Variants in PEAK1 observed in about 807,000 individuals in gnomAD.
PEAK1 encodes the protein inactive tyrosine-protein kinase PEAK1.
In PEAK1, 54 loss-of-function variants were observed where a neutral mutation model predicts 124.7. The observed-to-expected ratio is 0.43, with a 90% confidence interval of 0.35 to 0.54. The LOEUF is 0.54. Ranked by LOEUF, PEAK1 falls within the 20% of genes least tolerant of loss-of-function variation. The pLI is 0.01. For missense variants in PEAK1, 2,046 were observed against 2,134.5 expected (o/e 0.96, Z 0.82); for synonymous variants, 719 against 760.0 (o/e 0.95, Z 0.89).
chr15:77,369,686 AAATGGATGAAACAGGTCTT>A (rs1567317158), intron 1 of PEAK1, among the ~76,000 whole-genome samples: 1 of 152,222 alleles, frequency 6.6e-6, no homozygotes, highest in Non-Finnish European at 1.5e-5. Context: ...AATAATTCAT[AAATGGATGAAACAGGTCTT>A]AGTGGTGGCT....
chr15:77,108,944 G>A lies in PEAK1; in HGVS notation c.*5212C>T, dbSNP rs1370892419. The A allele has an allele frequency of 1.3e-5, 2 of 152,140 alleles. No homozygotes were observed. The highest frequency in any genetic ancestry group is 2.9e-5 in the Non-Finnish European group (2 of 68,044). The allele number at this position is 152,140 out of a possible 1,614,324, so 9.4% of individuals were successfully genotyped here. A position where few individuals can be genotyped will look rare whatever the true frequency, so the allele number is the denominator to read the frequency against. On this transcript the variant is annotated 3_prime_UTR_variant, in exon 10 of 10. Coordinates refer to ENST00000682557, the MANE Select transcript of PEAK1 (RefSeq NM_001385026.1). ...CTTGCAGCCCACCTAGGTGGGGAAA[G>A]CTTCTAGCAGTGGTTGATGCAAAAA...
chr15:77,127,549 G>A (rs532738896), intron 9 of PEAK1, among the ~76,000 whole-genome samples: 7 of 152,192 alleles, frequency 4.6e-5, no homozygotes, highest in Non-Finnish European at 8.8e-5. Flanking sequence ...TTGGAAACTG[G>A]AGGAAAGGGA....
chr15:77,176,616 T>C (rs1388430425), intron 7 of PEAK1, among the ~76,000 whole-genome samples: 2 of 152,208 alleles, frequency 1.3e-5, no homozygotes, highest in African/African-American at 2.4e-5. Flanking sequence ...TTTGGATTCA[T>C]GGATGTTAAC....
rs114418563 is a variant in PEAK1 at position 77,298,518 on chromosome 15, G to C, written c.-602-12014C>G. Among the ~76,000 whole-genome samples, 1,304 of 151,718 alleles carry C rather than the reference G, an allele frequency of 8.6e-3. 21 individuals carry two copies. The highest frequency in any genetic ancestry group is 0.03 in the African/African-American group (1,245 of 41,384). ...CAGGCGTGAGCCACCACGCCCGGCC[G>C]GTATCCTTAATTTCAACTTTGAGGA... On this transcript the variant is annotated intron_variant, in intron 2 of 9. Transcript: ENST00000682557.
chr15:77,140,570 A>C (rs1438178386), intron 8 of PEAK1, among the ~76,000 whole-genome samples: 2 of 152,200 alleles, frequency 1.3e-5, no homozygotes, highest in Non-Finnish European at 2.9e-5. Context: ...ATACTCAATG[A>C]ACTAGAAACA....
At chr15:77,287,810 T>A (rs1280435109) in intron 2 of PEAK1, among the ~76,000 whole-genome samples, 2 of 152,202 alleles carry the variant, frequency 1.3e-5, no homozygotes, top group African/African-American at 4.8e-5. Flanking sequence ...TGTTCCTTTT[T>A]AAAGTCCCTG....
intron 2 of PEAK1, among the ~76,000 whole-genome samples, chr15:77,313,708 ATGTGTGTGTGTG>A (rs1216011901): frequency 4.3e-5 from 4 of 93,754 alleles, no homozygotes; most frequent in Admixed American, 1.1e-4. Context: ...ATATATATGT[ATGTGTGTGTGTG>A]TGTGTGTATA....
intron 1 of PEAK1, 32 bp from the exon 2 acceptor site, chr15:77,365,257 T>C (rs1256915280): frequency 1.5e-5 from 13 of 896,282 alleles, no homozygotes; most frequent in Non-Finnish European, 1.3e-5. Flanking sequence ...GAAAAAGACA[T>C]GGTCAATATG....
At chr15:77,147,044 A>C (rs1233554913) in intron 8 of PEAK1, among the ~76,000 whole-genome samples, 1 of 152,242 alleles carries the variant, frequency 6.6e-6, no homozygotes, top group African/African-American at 2.4e-5. Context: ...AGATGCTCAA[A>C]GTAAGTAAAA....
intron 1 of PEAK1, among the ~76,000 whole-genome samples, chr15:77,373,995 T>C (rs2068824557): frequency 1.3e-5 from 2 of 152,232 alleles, no homozygotes; most frequent in Admixed American, 1.3e-4. Flanking sequence ...AAATAAATGC[T>C]TATCTTGATA....
chr15:77,355,396 C>A (rs537094549), intron 2 of PEAK1, among the ~76,000 whole-genome samples: 5 of 152,252 alleles, frequency 3.3e-5, no homozygotes, highest in African/African-American at 1.2e-4. Context: ...CTTAAAAATT[C>A]ATGGGCCATT....
At chr15:77,191,363 C>A (rs1341981285) in intron 6 of PEAK1, among the ~76,000 whole-genome samples, 2 of 152,116 alleles carry the variant, frequency 1.3e-5, no homozygotes, top group East Asian at 3.9e-4. Flanking sequence ...CCAGCGGAGG[C>A]CAGGAAGGGG....
intron 6 of PEAK1, among the ~76,000 whole-genome samples, chr15:77,247,343 C>T (rs2060633486): frequency 6.6e-6 from 1 of 151,884 alleles, no homozygotes; most frequent in African/African-American, 2.4e-5. Context: ...TTATCTTTGC[C>T]CTTTACTAGG....
chr15:77,289,421 T>C (rs1288633907), intron 2 of PEAK1, among the ~76,000 whole-genome samples: 3 of 152,242 alleles, frequency 2.0e-5, no homozygotes, highest in African/African-American at 7.2e-5. Context: ...GAACATTAGG[T>C]TGCTCCAAAT....
chr15:77,280,806 T>C (rs187993604), intron 5 of PEAK1, among the ~76,000 whole-genome samples: 4 of 152,190 alleles, frequency 2.6e-5, no homozygotes, highest in African/African-American at 4.8e-5. Context: ...TAGATGATTA[T>C]TAGATAGCAC....
chr15:77,234,262 A>G (rs1405753714), intron 6 of PEAK1, among the ~76,000 whole-genome samples: 1 of 152,176 alleles, frequency 6.6e-6, no homozygotes, highest in East Asian at 1.9e-4. Flanking sequence ...TTAAATTACC[A>G]ATATCGATTA....
rs2057270006 is a variant in PEAK1, at chr15:77,181,497, C to G, written c.430G>C (p.Asp144His). 3 of 1,614,004 alleles carry G rather than the reference C, an allele frequency of 1.9e-6. No individual in the cohort carries two copies. The highest frequency in any genetic ancestry group is 1.3e-5 in the African/African-American group (1 of 74,922). The change falls in exon 7 of 10, where the codon GAT becomes CAT. Residue 144 changes from aspartate (D) to histidine (H), a missense_variant. Asp to His is a moderately conservative substitution (Grantham distance 81). Coordinates refer to ENST00000682557, the MANE Select transcript of PEAK1 (RefSeq NM_001385026.1). ...ACTTCAGTTAGTCCATTATTGTTATCTGACATCTTCTTTGCACTATCATTA... is the reference window on the plus strand; with the variant it reads ...ACTTCAGTTAGTCCATTATTGTTATGTGACATCTTCTTTGCACTATCATTA... ...GNNDSAKKMSDNNNGLTEVLK... is the reference protein window; with the variant it reads ...GNNDSAKKMSHNNNGLTEVLK...
At chr15:77,250,557 C>T (rs563120754) in intron 6 of PEAK1, among the ~76,000 whole-genome samples, 3 of 151,862 alleles carry the variant, frequency 2.0e-5, no homozygotes, top group Non-Finnish European at 2.9e-5. Context: ...CTCAGCCTCC[C>T]GAGTAGCTGG....
Position 77,114,434 on chromosome 15 carries a change from G to A in PEAK1, c.4963C>T (p.Leu1655Phe), listed in dbSNP as rs1273506563. ...AGGATGCCTTTGGCGTCTGAAATGAGGATCCGCTCAGAAGGGTTGGGATTC... is the reference window on the plus strand; with the variant it reads ...AGGATGCCTTTGGCGTCTGAAATGAAGATCCGCTCAGAAGGGTTGGGATTC... The part of the protein sequence containing the change: ...LLNPNPSERI[L>F]ISDAKGILQC... Residue 1655 changes from leucine (L) to phenylalanine (F), a missense_variant, in exon 10 of 10, where the codon CTC becomes TTC. Leu to Phe is a conservative substitution (Grantham distance 22, BLOSUM62 0). Transcript: ENST00000682557. 6.2e-7 allele frequency: 1 copy of A among 1,614,160 alleles called. No individual in the cohort carries two copies. Among genetic ancestry groups the A allele is most frequent in the Non-Finnish European group, 8.5e-7 (1 of 1,180,032 alleles).
Sources: gnomAD v4.1 joint callset for allele counts (sites outside exome capture counted in the v4.1 genomes callset) on GRCh38, gnomAD v4.1.1 for gene constraint, MANE v1.5 for transcripts, NCBI Gene and HGNC (gene_info 2026-07-23, HGNC 2026-07-21) for gene names.